CLEC2D: variants seen among roughly 807,000 people sequenced by gnomAD.
The protein encoded by CLEC2D is C-type lectin related f.
CLEC2D carries 16 observed loss-of-function variants against 20.0 expected under a neutral mutation model. The ratio of observed to expected loss-of-function variants is 0.80; its 90% CI spans 0.54 to 1.22. The LOEUF (loss-of-function observed/expected upper bound fraction) is 1.22. Ranked by LOEUF, CLEC2D falls within the 50% of genes most tolerant of loss-of-function variation. The pLI, the probability that CLEC2D is intolerant of heterozygous loss-of-function variation, is 0.00. For synonymous variants in CLEC2D, 77 were observed against 71.1 expected (o/e 1.08, Z -0.42); for missense variants, 207 against 221.5 (o/e 0.93, Z 0.42).
chr12:9,689,781 A>C (rs181856664), intron 3 of CLEC2D, among the ~76,000 whole-genome samples: 1 of 152,214 alleles, frequency 6.6e-6, no homozygotes, highest in East Asian at 1.9e-4. Flanking sequence ...AAGAGATCAG[A>C]AAACTTGAAA....
rs943077970 is a variant in CLEC2D at position 9,695,708 on chromosome 12, T to A, written c.*834T>A. ...AGGTTGAAGTGTGGTTCAGGGCCAG[T>A]GCATATTAGTGGACAGCACTTAGTA... is the stretch of plus-strand genomic sequence containing the variant. On this transcript the variant is annotated 3_prime_UTR_variant, in exon 5 of 5. Coordinates refer to ENST00000290855, the MANE Select transcript of CLEC2D (RefSeq NM_013269.6). The A allele has an allele frequency of 5.1e-6, 8 of 1,555,862 alleles. No individual in the cohort carries two copies. In the South Asian group the frequency reaches 5.6e-5, roughly 11 times the overall value.
rs748374765 is a variant in CLEC2D at position 9,692,776 on chromosome 12, A to G, written c.358-52A>G. ...ATAGCATAGCAGCAACATTTCTGGG[A>G]GAGGATGGGTTATGTTAGATTAATG... On this transcript the variant is annotated intron_variant, in intron 3 of 4. Coordinates refer to ENST00000290855, the MANE Select transcript of CLEC2D (RefSeq NM_013269.6). 102 of 1,225,216 alleles carry G rather than the reference A, an allele frequency of 8.3e-5. No homozygotes were observed. The South Asian group carries it at 1.3e-3, about 15-fold the overall frequency. The allele number at this position is 1,225,216 out of a possible 1,614,324, so 75.9% of individuals were successfully genotyped here. A position where few individuals can be genotyped will look rare whatever the true frequency, so the allele number is the denominator to read the frequency against.
rs897532198 is a variant in CLEC2D, at chr12:9,698,179, T to G, written c.*3305T>G. 1.3e-5 allele frequency: 2 copies of G among 152,324 alleles called. No homozygotes were observed. The highest frequency in any genetic ancestry group is 3.9e-4 in the East Asian group (2 of 5,192). 9.4% of individuals were successfully genotyped at this position (152,324 alleles called of 1,614,324 possible). A position where few individuals can be genotyped will look rare whatever the true frequency, so the allele number is the denominator to read the frequency against. ...GATATATGTGTACACTATGGAATGA[T>G]TAAATCAAACTAACATTTCATCATC... is the stretch of plus-strand genomic sequence containing the variant. On this transcript the variant is annotated 3_prime_UTR_variant, in exon 5 of 5. Transcript: ENST00000290855.
intron 3 of CLEC2D, among the ~76,000 whole-genome samples, chr12:9,690,635 CATAT>C (rs145778342): frequency 2.0e-5 from 3 of 151,910 alleles, no homozygotes; most frequent in African/African-American, 7.2e-5. Flanking sequence ...GGGATGAAGA[CATAT>C]AGGATCAAAA....
chr12:9,691,619 G>A (rs1360797748), intron 3 of CLEC2D, among the ~76,000 whole-genome samples: 3 of 152,072 alleles, frequency 2.0e-5, no homozygotes, highest in Non-Finnish European at 1.5e-5. Context: ...GAAAAGTCAC[G>A]CATATGTAGA....
intron 3 of CLEC2D, among the ~76,000 whole-genome samples, chr12:9,690,572 G>C (rs952732933): frequency 6.6e-6 from 1 of 151,906 alleles, no homozygotes; most frequent in Non-Finnish European, 1.5e-5. Context: ...TTATAAATAT[G>C]ATAGTGGTCA....
In CLEC2D at chr12:9,695,845, G is replaced by C; in HGVS notation, c.*971G>C. ...AGGTGGGCAGAAAAAAGTAAAACTTGCTGCTGCTGCTGATGATGATGATGA... is the reference window on the plus strand; with the variant it reads ...AGGTGGGCAGAAAAAAGTAAAACTTCCTGCTGCTGCTGATGATGATGATGA... On this transcript the variant is annotated 3_prime_UTR_variant, in exon 5 of 5. Transcript: ENST00000290855. The C allele has an allele frequency of 1.1e-6, 1 of 923,094 alleles. No homozygotes were observed. Among genetic ancestry groups the C allele is most frequent in the Non-Finnish European group, 1.7e-6 (1 of 573,956 alleles). 57.2% of individuals were successfully genotyped at this position (923,094 alleles called of 1,614,324 possible). A position where few individuals can be genotyped will look rare whatever the true frequency, so the allele number is the denominator to read the frequency against.
intron 1 of CLEC2D, among the ~76,000 whole-genome samples, chr12:9,670,594 C>A (rs896184402): frequency 1.3e-5 from 2 of 152,074 alleles, no homozygotes; most frequent in Non-Finnish European, 2.9e-5. Flanking sequence ...GTTTTCTTTC[C>A]CCATGGAAGT....
intron 2 of CLEC2D, 108 bp downstream of exon 2, chr12:9,681,141 CACTA>C (rs1193602573): frequency 1.4e-5 from 9 of 637,484 alleles, no homozygotes; most frequent in East Asian, 2.7e-5. Context: ...TATATTGTCT[CACTA>C]ACTGAGTTAC....
In CLEC2D at chr12:9,696,229, T is replaced by A. The variant is rs1865991141; in HGVS notation, c.*1355T>A. 4 of 829,820 alleles carry A rather than the reference T, an allele frequency of 4.8e-6. No homozygotes were observed. The highest frequency in any genetic ancestry group is 8.3e-6 in the Non-Finnish European group (4 of 483,246). The allele number at this position is 829,820 out of a possible 1,614,324, so 51.4% of individuals were successfully genotyped here. A position where few individuals can be genotyped will look rare whatever the true frequency, so the allele number is the denominator to read the frequency against. On this transcript the variant is annotated 3_prime_UTR_variant, in exon 5 of 5. Transcript: ENST00000290855. The stretch of plus-strand genomic sequence containing the variant: ...TCTCTGGCAGTGGAGGAAGTCTCTT[T>A]AAGAAAATAGTTTAAACAATTTGTT...
intron 2 of CLEC2D, among the ~76,000 whole-genome samples, chr12:9,682,697 C>T (rs1013579130): frequency 6.6e-6 from 1 of 152,164 alleles, no homozygotes; most frequent in Non-Finnish European, 1.5e-5. Context: ...AGAATATGAA[C>T]TCATTCTTCT....
intron 1 of CLEC2D, among the ~76,000 whole-genome samples, chr12:9,679,566 A>C (rs1169196564): frequency 1.3e-5 from 2 of 152,156 alleles, no homozygotes; most frequent in Admixed American, 1.3e-4. Flanking sequence ...GTTTCTCTAC[A>C]TGTAGAATTT....
chr12:9,671,359 T>C (rs1221442485), intron 1 of CLEC2D, among the ~76,000 whole-genome samples: 6 of 152,196 alleles, frequency 3.9e-5, no homozygotes, highest in African/African-American at 9.6e-5. Flanking sequence ...TAGCTGGGAC[T>C]ACAGGCGCCC....
chr12:9,670,026 A>G (rs1478230349), intron 1 of CLEC2D, among the ~76,000 whole-genome samples: 1 of 121,364 alleles, frequency 8.2e-6, no homozygotes, highest in Non-Finnish European at 1.9e-5. Context: ...TAAGACAATG[A>G]GATAAGGTTA....
At chr12:9,693,252 T>C in intron 4 of CLEC2D, 1 of 635,208 alleles carries the variant, frequency 1.6e-6, no homozygotes, top group South Asian at 2.1e-5. Flanking sequence ...CTTGTCCTCC[T>C]GATTTCACAG....
intron 1 of CLEC2D, among the ~76,000 whole-genome samples, chr12:9,675,411 G>C (rs1865503659): frequency 6.6e-6 from 1 of 152,038 alleles, no homozygotes; most frequent in South Asian, 2.1e-4. Flanking sequence ...AGCCAGGATG[G>C]TATAGATCTC....
chr12:9,688,157 A>G, intron 3 of CLEC2D, 71 bp downstream of exon 3: 2 of 1,409,982 alleles, frequency 1.4e-6, no homozygotes, highest in Non-Finnish European at 1.9e-6. Context: ...GAAATTATCT[A>G]AGAGGTAGGT....
Position 9,695,203 on chromosome 12 carries a change from T to C in CLEC2D, c.*329T>C, listed in dbSNP as rs1293036612. On this transcript the variant is annotated 3_prime_UTR_variant, in exon 5 of 5. Transcript: ENST00000290855. ...AAATGGGAAGCAAAGTCATGTCTTA[T>C]GTGGTGGCAGGCAGGGGGACTTGTG... is the stretch of plus-strand genomic sequence containing the variant. 12 of 602,142 alleles carry C rather than the reference T, an allele frequency of 2.0e-5. No homozygotes were observed. Among genetic ancestry groups the C allele is most frequent in the Middle Eastern group, 4.5e-4 (1 of 2,238 alleles). The allele number at this position is 602,142 out of a possible 1,614,324, so 37.3% of individuals were successfully genotyped here.
rs916912040 is a variant in CLEC2D, at chr12:9,699,344, G to T, written c.*4470G>T. On this transcript the variant is annotated 3_prime_UTR_variant, in exon 5 of 5. Transcript: ENST00000290855. The stretch of plus-strand genomic sequence containing the variant: ...AACTTTTAATTATTCTTAATGGAAA[G>T]ACACTTCTGTATACACTGGAAATCT... 1 of 152,134 alleles carries T rather than the reference G, an allele frequency of 6.6e-6. No individual in the cohort carries two copies. Among genetic ancestry groups the T allele is most frequent in the Non-Finnish European group, 1.5e-5 (1 of 68,018 alleles). 9.4% of individuals were successfully genotyped at this position (152,134 alleles called of 1,614,324 possible).
Sources: allele counts gnomAD v4.1 joint callset (sites outside exome capture counted in the v4.1 genomes callset), GRCh38; gene constraint gnomAD v4.1.1; transcripts MANE v1.5; gene names NCBI Gene and HGNC (gene_info 2026-07-23, HGNC 2026-07-21).